The following MYOF variants were observed in gnomAD, a reference collection of about 807,000 sequenced individuals.
MYOF encodes the protein fer-1-like 3, myoferlin.
MYOF carries 244 observed loss-of-function variants against 284.2 expected under a neutral mutation model. That is an observed-to-expected ratio of 0.86 (90% CI 0.77 to 0.95). The LOEUF is 0.95. Among genes scored for constraint, MYOF ranks in the 40% least tolerant of loss-of-function variants. The probability of loss-of-function intolerance (pLI) is 0.00; values close to 1 mark genes in which losing one functional copy is unlikely to be tolerated. For synonymous variants in MYOF, 904 were observed against 919.7 expected (o/e 0.98, Z 0.31); for missense variants, 2,496 against 2,560.6 (o/e 0.97, Z 0.54).
rs952909029 is a variant in MYOF at position 93,310,303 on chromosome 10, G to A, written c.6000-136C>T. ...AAAATACTGTTCCCCTTCGTTGACTGAGAAAGGCTCTTTAACCTACGACAG... is the reference window on the plus strand; with the variant it reads ...AAAATACTGTTCCCCTTCGTTGACTAAGAAAGGCTCTTTAACCTACGACAG... On this transcript the variant is annotated intron_variant, in intron 52 of 53. Coordinates refer to ENST00000359263, the MANE Select transcript of MYOF (RefSeq NM_013451.4). 1.6e-4 allele frequency: 197 copies of A among 1,200,552 alleles called. 1 individual carries two copies. In the African/African-American group the frequency reaches 2.4e-3, roughly 15 times the overall value. 74.4% of individuals were successfully genotyped at this position (1,200,552 alleles called of 1,614,324 possible). A position where few individuals can be genotyped will look rare whatever the true frequency, so the allele number is the denominator to read the frequency against.
intron 1 of MYOF, among the ~76,000 whole-genome samples, chr10:93,457,445 G>A (rs972969045): frequency 6.6e-6 from 1 of 152,176 alleles, no homozygotes; most frequent in Non-Finnish European, 1.5e-5. Context: ...ATAGGCTTCG[G>A]TACAAGGTCA....
At position 93,387,914 on chromosome 10, in the gene MYOF, C is replaced by T; in HGVS notation, c.1582-1G>A. ...TGCCTCTGTAGGCAACTCCTTCCCC[C>T]TGAAAGGCAATAATCCAGGATTATT... On this transcript the variant is annotated splice_acceptor_variant, in intron 18 of 53. Coordinates refer to ENST00000359263, the MANE Select transcript of MYOF (RefSeq NM_013451.4). LOFTEE classifies it high-confidence loss of function. 1.2e-6 allele frequency: 2 copies of T among 1,609,952 alleles called. No individual in the cohort carries two copies. The highest frequency in any genetic ancestry group is 1.3e-5 in the African/African-American group (1 of 74,960).
intron 28 of MYOF, among the ~76,000 whole-genome samples, 166 bp downstream of exon 28, chr10:93,361,286 G>C (rs1315135178): frequency 6.6e-6 from 1 of 152,156 alleles, no homozygotes; most frequent in Non-Finnish European, 1.5e-5. Context: ...CTGCTGTGCG[G>C]CCTTGTTCCT....
chr10:93,369,622 G>A lies in MYOF; in HGVS notation c.2589+23C>T, dbSNP rs1157169968. The A allele has an allele frequency of 2.5e-6, 4 of 1,613,214 alleles. No individual in the cohort carries two copies. The African/African-American group carries it at 5.3e-5, about 22-fold the overall frequency. On this transcript the variant is annotated intron_variant, in intron 25 of 53. Transcript: ENST00000359263. ...CCCCTCCCCCGACCAAAGAAGAAAA[G>A]ATAGTGAAATCATTAAAGGTACCAT...
At chr10:93,470,363 G>A (rs2057116393) in intron 1 of MYOF, among the ~76,000 whole-genome samples, 1 of 151,960 alleles carries the variant, frequency 6.6e-6, no homozygotes, top group East Asian at 1.9e-4. Flanking sequence ...CAATATAATT[G>A]CCAATAATGA....
At chr10:93,399,065 A>AT (rs541544883) in intron 13 of MYOF, among the ~76,000 whole-genome samples, 187 of 152,102 alleles carry the variant, frequency 1.2e-3, no homozygotes, top group African/African-American at 4.0e-3. Context: ...TTTACCAGGG[A>AT]TGGGTGTGGC....
chr10:93,431,592 C>T (rs1296944489), intron 3 of MYOF, 76 bp from the exon 4 acceptor site: 8 of 1,051,886 alleles, frequency 7.6e-6, no homozygotes, highest in Non-Finnish European at 8.7e-6. Flanking sequence ...CTCTCAACCC[C>T]TACCTCTTCA....
chr10:93,403,441 T>C (rs767615728), intron 9 of MYOF, among the ~76,000 whole-genome samples: 1 of 152,226 alleles, frequency 6.6e-6, no homozygotes, highest in Non-Finnish European at 1.5e-5. Flanking sequence ...CTCTGGGACA[T>C]GTGGCTACTT....
At chr10:93,395,304 G>T (rs182769033) in intron 16 of MYOF, among the ~76,000 whole-genome samples, 2 of 152,120 alleles carry the variant, frequency 1.3e-5, no homozygotes, top group African/African-American at 4.8e-5. Context: ...TTAGCTGGGC[G>T]TGGTGGCATG....
chr10:93,318,518 C>T lies in MYOF; in HGVS notation c.5598+1354G>A, dbSNP rs576765320. Among the ~76,000 whole-genome samples, 19 of 152,100 alleles carry T rather than the reference C, an allele frequency of 1.2e-4. No individual in the cohort carries two copies. The East Asian group carries it at 3.1e-3, about 25-fold the overall frequency. On this transcript the variant is annotated intron_variant, in intron 49 of 53. Coordinates refer to ENST00000359263, the MANE Select transcript of MYOF (RefSeq NM_013451.4). ...TCATACCTATAATCCCAGCACTTTG[C>T]GGGGCCGAGGTGGGTGGATCACCTG...
rs531043691 is a variant in MYOF at position 93,418,564 on chromosome 10, G to C, written c.433+7507C>G. 1.3e-4 allele frequency among the ~76,000 whole-genome samples: 20 copies of C among 152,248 alleles called. No individual in the cohort carries two copies. The South Asian group carries it at 4.1e-3, about 32-fold the overall frequency. On this transcript the variant is annotated intron_variant, in intron 5 of 53. Transcript: ENST00000359263. ...GTCCTGCGGGGCAATTGAGGAATCA[G>C]GCTGTGAGCCAGTCTAGATAACAAA...
At chr10:93,402,983 T>A in intron 9 of MYOF, 93 bp from the exon 10 acceptor site, 1 of 1,079,768 alleles carries the variant, frequency 9.3e-7, no homozygotes, top group Non-Finnish European at 1.4e-6. Flanking sequence ...ATATCATGTC[T>A]TGATTACACT....
chr10:93,427,905 A>C (rs967644931), intron 4 of MYOF, among the ~76,000 whole-genome samples: 1 of 152,234 alleles, frequency 6.6e-6, no homozygotes, highest in Non-Finnish European at 1.5e-5. Flanking sequence ...AATTTCAAAC[A>C]ATTTGCTAGG....
intron 31 of MYOF, 104 bp downstream of exon 31, chr10:93,355,524 G>C: frequency 1.2e-6 from 1 of 818,526 alleles, no homozygotes; most frequent in Non-Finnish European, 1.9e-6. Context: ...AGGTTGCAGC[G>C]AGCCAAGATC....
chr10:93,473,030 A>T (rs533710173), intron 1 of MYOF, among the ~76,000 whole-genome samples: 21 of 152,364 alleles, frequency 1.4e-4, no homozygotes, highest in Non-Finnish European at 2.9e-4. Flanking sequence ...TAGATGAGGA[A>T]ATGAAGGCTC....
At chr10:93,373,613 T>C (rs1248631747) in intron 23 of MYOF, among the ~76,000 whole-genome samples, 3 of 152,168 alleles carry the variant, frequency 2.0e-5, no homozygotes, top group East Asian at 3.9e-4. Flanking sequence ...ACTGCCTAAG[T>C]CCACTATAGA....
intron 27 of MYOF, 145 bp downstream of exon 27, chr10:93,363,816 G>GCTTAAGCTTAA (rs1188953356): frequency 2.5e-5 from 15 of 603,266 alleles, no homozygotes; most frequent in Non-Finnish European, 3.5e-5. Flanking sequence ...GCACTTGTGT[G>GCTTAAGCTTAA]GCTTAAGCTA....
chr10:93,453,368 G>T (rs1228082723), intron 2 of MYOF, among the ~76,000 whole-genome samples: 2 of 152,302 alleles, frequency 1.3e-5, no homozygotes, highest in East Asian at 3.9e-4. Context: ...GTTTCACCAT[G>T]TTGGCCAGGC....
intron 51 of MYOF, among the ~76,000 whole-genome samples, chr10:93,311,759 G>A (rs1842403325): frequency 6.6e-6 from 1 of 152,216 alleles, no homozygotes; most frequent in African/African-American, 2.4e-5. Flanking sequence ...ACCCTTACAA[G>A]TCAGACAAAG....
Sources: gnomAD v4.1 joint callset for allele counts (sites outside exome capture counted in the v4.1 genomes callset) on GRCh38, gnomAD v4.1.1 for gene constraint, MANE v1.5 for transcripts, NCBI Gene and HGNC (gene_info 2026-07-23, HGNC 2026-07-21) for gene names.